Variants in MYOM2 observed in about 807,000 individuals in gnomAD.
MYOM2 encodes the protein myomesin 2.
MYOM2 carries 254 observed loss-of-function variants against 187.6 expected under a neutral mutation model. The observed-to-expected ratio is 1.35, with a 90% confidence interval of 1.22 to 1.50. The LOEUF (loss-of-function observed/expected upper bound fraction) is 1.50, where lower values mean the gene tolerates loss of function less well. Ranked by LOEUF, MYOM2 falls within the 40% of genes most tolerant of loss-of-function variation. The probability of loss-of-function intolerance (pLI) is 0.00; values close to 1 mark genes in which losing one functional copy is unlikely to be tolerated. For synonymous variants in MYOM2, 981 were observed against 753.8 expected, an observed-to-expected ratio of 1.30 and a Z score of -4.94; for missense variants, 2,796 against 1,924.0, an observed-to-expected ratio of 1.45 and a Z score of -8.48.
In MYOM2 at chr8:2,100,961, C is replaced by T. The variant is rs140584738; in HGVS notation, c.2526C>T (p.Ser842=). The change falls in exon 20 of 37, where the codon AGC becomes AGT. Residue 842 remains serine (S), a synonymous_variant. Transcript: ENST00000262113. ...AGGCCCCTGTGTACTCCGGCAGCAG[C>T]CCTGTTTCTGGATATTTCGTGGACT... is the stretch of plus-strand genomic sequence containing the variant. ...LWKAPVYSGS[S]PVSGYFVDFR... 6.2e-6 allele frequency: 10 copies of T among 1,614,094 alleles called. No individual in the cohort carries two copies. Among genetic ancestry groups the T allele is most frequent in the Non-Finnish European group, 8.5e-6 (10 of 1,180,052 alleles).
intron 8 of MYOM2, among the ~76,000 whole-genome samples, chr8:2,070,128 G>A (rs1458498358): frequency 1.3e-5 from 2 of 152,172 alleles, no homozygotes; most frequent in Non-Finnish European, 2.9e-5. Context: ...GAGGTGAGGC[G>A]GTCCCCATGA....
In MYOM2 at chr8:2,069,325, C is replaced by T. The variant is rs1414561718; in HGVS notation, c.701C>T (p.Ala234Val). ...TATYSAVATN[A>V]HGQVSTNAAV... is the part of the protein sequence containing the mutation. ...ACATACTCAGCAGTGGCCACCAATGCCCACGGACAAGTGTCCACCAACGCG... is the reference window on the plus strand; with the variant it reads ...ACATACTCAGCAGTGGCCACCAATGTCCACGGACAAGTGTCCACCAACGCG... Residue 234 changes from alanine to valine, a missense_variant, in exon 7 of 37, where the codon GCC (alanine) becomes GTC (valine). Transcript: ENST00000262113. 16 of 1,613,824 alleles carry T rather than the reference C, an allele frequency of 9.9e-6. No individual in the cohort carries two copies. The highest frequency in any genetic ancestry group is 1.4e-5 in the Non-Finnish European group (16 of 1,179,936).
In MYOM2 at chr8:2,096,349, T is replaced by C; in HGVS notation, c.2228T>C (p.Leu743Pro). 1.2e-6 allele frequency: 2 copies of C among 1,614,198 alleles called. No homozygotes were observed. The highest frequency in any genetic ancestry group is 1.7e-6 in the Non-Finnish European group (2 of 1,180,040). Reference protein sequence around the residue: ...VPKFSGGSPILGYYLDKREVH... With the variant: ...VPKFSGGSPIPGYYLDKREVH... Reference sequence around the variant, plus strand: ...AAATTCAGTGGTGGCTCGCCCATCCTGGGCTACTACCTGGACAAGCGTGAA... The same window carrying C: ...AAATTCAGTGGTGGCTCGCCCATCCCGGGCTACTACCTGGACAAGCGTGAA... Residue 743 changes from leucine (L) to proline (P), a missense_variant, in exon 18 of 37, where the codon CTG becomes CCG. Leu to Pro is a moderately conservative substitution (Grantham distance 98). Transcript: ENST00000262113.
Position 2,057,639 on chromosome 8 carries a change from C to T in MYOM2, c.419C>T (p.Ala140Val). The T allele has an allele frequency of 1.2e-6, 2 of 1,614,050 alleles. No homozygotes were observed. Among genetic ancestry groups the T allele is most frequent in the Non-Finnish European group, 1.7e-6 (2 of 1,179,990 alleles). The change falls in exon 5 of 37, where the codon GCC becomes GTC. Residue 140 changes from alanine to valine, a missense_variant. Coordinates refer to ENST00000262113, the MANE Select transcript of MYOM2 (RefSeq NM_003970.4). ...AIQQMMEDKL[A>V]WERHTFEERI... ...TCGGGGCAGATGGAGGACAAGCTGGCCTGGGAGAGACACACATTTGAAGAG... is the reference window on the plus strand; with the variant it reads ...TCGGGGCAGATGGAGGACAAGCTGGTCTGGGAGAGACACACATTTGAAGAG...
At chr8:2,080,849 A>C (rs1041628110) in intron 13 of MYOM2, among the ~76,000 whole-genome samples, 2 of 142,852 alleles carry the variant, frequency 1.4e-5, no homozygotes, top group African/African-American at 6.0e-5. Flanking sequence ...GCCCGTGTAG[A>C]ATGAGGTTTG....
chr8:2,066,842 C>T (rs1819035466), intron 6 of MYOM2, among the ~76,000 whole-genome samples: 3 of 152,152 alleles, frequency 2.0e-5, no homozygotes, highest in African/African-American at 7.2e-5. Context: ...CATGGCTGTG[C>T]CTGTGGTGAT....
intron 3 of MYOM2, 68 bp from the exon 4 acceptor site, chr8:2,057,280 C>T (rs967249617): frequency 7.7e-5 from 118 of 1,534,738 alleles, no homozygotes; most frequent in African/African-American, 4.3e-4. Flanking sequence ...ATGCCCTTTC[C>T]GGCCTTCGGG....
At chr8:2,098,739 C>T (rs977874271) in intron 18 of MYOM2, 118 bp from the exon 19 acceptor site, 18 of 1,177,238 alleles carry the variant, frequency 1.5e-5, no homozygotes, top group African/African-American at 9.3e-5. Flanking sequence ...TCCAATTTCC[C>T]GACAAGGTTC....
intron 32 of MYOM2, among the ~76,000 whole-genome samples, chr8:2,131,770 A>C (rs147884694): frequency 0.14 from 20,660 of 150,900 alleles, 2,474 homozygotes; most frequent in African/African-American, 0.31. Flanking sequence ...CAGCCTCCCA[A>C]GTAGCTGGGA....
chr8:2,087,847 C>G (rs988259111), intron 14 of MYOM2, among the ~76,000 whole-genome samples: 2 of 152,108 alleles, frequency 1.3e-5, no homozygotes, highest in Non-Finnish European at 2.9e-5. Flanking sequence ...TCTCAAATTC[C>G]TGGCACAAGC....
At chr8:2,122,725 C>G (rs562433203) in intron 28 of MYOM2, among the ~76,000 whole-genome samples, 1 of 152,332 alleles carries the variant, frequency 6.6e-6, no homozygotes, top group East Asian at 1.9e-4. Context: ...TTCCGCAAAG[C>G]TTAGTTTCTA....
intron 18 of MYOM2, among the ~76,000 whole-genome samples, chr8:2,096,881 CAG>C (rs1248860719): frequency 7.2e-5 from 11 of 152,176 alleles, no homozygotes; most frequent in African/African-American, 2.4e-4. Flanking sequence ...TCAGGCCTCC[CAG>C]AGAGTCCCTT....
intron 1 of MYOM2, among the ~76,000 whole-genome samples, chr8:2,050,111 G>T (rs185755680): frequency 4.6e-5 from 7 of 152,118 alleles, no homozygotes; most frequent in African/African-American, 1.4e-4. Flanking sequence ...GCAGACACCC[G>T]CCACCTCCGC....
At position 2,098,983 on chromosome 8, in the gene MYOM2, G is replaced by A. The variant is rs373951587; in HGVS notation, c.2440G>A (p.Gly814Ser). 37 of 1,600,488 alleles carry A rather than the reference G, an allele frequency of 2.3e-5. No individual in the cohort carries two copies. The highest frequency in any genetic ancestry group is 1.5e-4 in the African/African-American group (11 of 74,668). Reference sequence around the variant, plus strand: ...TGAGGCCTGGACCATGCCGGAGCCCGGTGAGTCGCTGCCCCCAGGACACCC... The same window carrying A: ...TGAGGCCTGGACCATGCCGGAGCCCAGTGAGTCGCTGCCCCCAGGACACCC... ...KCEAWTMPEP[G>S]PAYDLTFCEV... Residue 814 changes from glycine (G) to serine (S), a missense_variant and splice_region_variant, in exon 19 of 37, where the codon GGT becomes AGT. Gly to Ser is a moderately conservative substitution (Grantham distance 56). Coordinates refer to ENST00000262113, the MANE Select transcript of MYOM2 (RefSeq NM_003970.4).
In MYOM2 at chr8:2,045,099, A is replaced by AG. The variant is rs1376298068; in HGVS notation, c.-81dup. 1 of 152,444 alleles carries AG rather than the reference A, an allele frequency of 6.6e-6. No individual in the cohort carries two copies. The highest frequency in any genetic ancestry group is 1.5e-5 in the Non-Finnish European group (1 of 68,138). 9.4% of individuals were successfully genotyped at this position (152,444 alleles called of 1,614,324 possible). A position where few individuals can be genotyped will look rare whatever the true frequency, so the allele number is the denominator to read the frequency against. On this transcript the variant is annotated 5_prime_UTR_variant, in exon 1 of 37. Coordinates refer to ENST00000262113, the MANE Select transcript of MYOM2 (RefSeq NM_003970.4). Reference sequence around the variant, plus strand: ...AGTCAGCTCTGCCTTCCTCGGCTGGAGTGTGGGTGGCTTGGTGAGCCGGTG... The same window carrying AG: ...AGTCAGCTCTGCCTTCCTCGGCTGGAGGTGTGGGTGGCTTGGTGAGCCGGTG...
At chr8:2,105,838 C>A (rs1048134248) in intron 21 of MYOM2, among the ~76,000 whole-genome samples, 1 of 152,150 alleles carries the variant, frequency 6.6e-6, no homozygotes, top group Non-Finnish European at 1.5e-5. Context: ...GGCATTAGTC[C>A]GTTCTCACGC....
chr8:2,079,809 G>C (rs376565835), intron 13 of MYOM2, among the ~76,000 whole-genome samples, 196 bp downstream of exon 13: 1 of 152,190 alleles, frequency 6.6e-6, no homozygotes, highest in Non-Finnish European at 1.5e-5. Context: ...GACAGAGTGA[G>C]AGGGTGGGAG....
At chr8:2,141,115 G>A (rs780473609) in intron 33 of MYOM2, 26 bp from the exon 34 acceptor site, 1 of 1,605,624 alleles carries the variant, frequency 6.2e-7, no homozygotes, top group Non-Finnish European at 8.5e-7. Context: ...GAAATGGTTA[G>A]TAACGTATGA....
rs1797763500 is a variant in MYOM2, at chr8:2,129,174, C to T, written c.3742C>T (p.Arg1248Ter). The T allele has an allele frequency of 3.7e-6, 6 of 1,611,886 alleles. No individual in the cohort carries two copies. In the South Asian group the frequency reaches 4.4e-5, roughly 12 times the overall value. The change falls in exon 32 of 37, where the codon CGA becomes TGA. Residue 1248 changes from arginine (R) to a stop codon, truncating the protein, a stop_gained. Transcript: ENST00000262113. LOFTEE classifies it high-confidence loss of function. ...GGTACTCTGCACCCCAGAAGGAATA[C>T]GACTTCAGTGTTTCATGAAGTATTT... The part of the protein sequence containing the change: ...LKVLCTPEGI[R>*]LQCFMKYFTD...
Sources: gnomAD v4.1 joint callset for allele counts (sites outside exome capture counted in the v4.1 genomes callset) on GRCh38, gnomAD v4.1.1 for gene constraint, MANE v1.5 for transcripts, NCBI Gene and HGNC (gene_info 2026-07-23, HGNC 2026-07-21) for gene names.